Variants in SDCCAG8 observed in about 807,000 individuals in gnomAD.
The protein encoded by SDCCAG8 is serologically defined colon cancer antigen 8.
SDCCAG8 carries 74 observed loss-of-function variants against 101.8 expected under a neutral mutation model. The observed-to-expected ratio is 0.73, with a 90% CI of 0.60 to 0.88. The LOEUF is 0.88. Ranked by LOEUF, SDCCAG8 falls within the 40% of genes least tolerant of loss-of-function variation. The pLI is 0.00. For missense variants in SDCCAG8, 787 were observed against 822.6 expected (o/e 0.96, Z 0.53); for synonymous variants, 281 against 292.9 (o/e 0.96, Z 0.41).
chr1:243,330,499 C>T, intron 9 of SDCCAG8, 41 bp from the exon 10 acceptor site: 2 of 1,610,204 alleles, frequency 1.2e-6, no homozygotes, highest in Non-Finnish European at 1.7e-6. Context: ...ATATTTTTTC[C>T]AAATTCTAAC....
At chr1:243,425,146 T>C (rs1420932006) in intron 15 of SDCCAG8, among the ~76,000 whole-genome samples, 1 of 152,094 alleles carries the variant, frequency 6.6e-6, no homozygotes, top group Non-Finnish European at 1.5e-5. Flanking sequence ...GATCTGAACT[T>C]GAAAATGAGA....
intron 13 of SDCCAG8, among the ~76,000 whole-genome samples, chr1:243,384,255 G>A (rs1417565107): frequency 2.0e-5 from 3 of 152,130 alleles, no homozygotes; most frequent in Admixed American, 6.6e-5. Context: ...TGCAGAGTTG[G>A]AGCTCAGTAA....
intron 13 of SDCCAG8, among the ~76,000 whole-genome samples, chr1:243,391,469 A>G (rs1306905858): frequency 6.6e-6 from 1 of 152,238 alleles, no homozygotes; most frequent in Non-Finnish European, 1.5e-5. Context: ...GCAGCTTGCC[A>G]TCTAGCTGAG....
chr1:243,393,705 A>G (rs909348211), intron 13 of SDCCAG8, among the ~76,000 whole-genome samples: 19 of 152,186 alleles, frequency 1.2e-4, no homozygotes, highest in Non-Finnish European at 5.9e-5. Context: ...TGATCACTTT[A>G]TACATTTTAT....
At chr1:243,490,118 A>G (rs1388042074) in intron 17 of SDCCAG8, among the ~76,000 whole-genome samples, 1 of 152,260 alleles carries the variant, frequency 6.6e-6, no homozygotes, top group African/African-American at 2.4e-5. Flanking sequence ...ATGAAAACGA[A>G]GAGGAGTCTC....
chr1:243,346,140 A>G (rs150954476), intron 12 of SDCCAG8: 4 of 154,456 alleles, frequency 2.6e-5, no homozygotes, highest in Non-Finnish European at 5.9e-5. Flanking sequence ...TCAGAAAAGA[A>G]GTCGTGGTGT....
chr1:243,495,939 C>A (rs376465008), intron 17 of SDCCAG8, among the ~76,000 whole-genome samples: 1 of 152,108 alleles, frequency 6.6e-6, no homozygotes, highest in Non-Finnish European at 1.5e-5. Context: ...TGCCTGGATT[C>A]GAATCTCAGC....
At chr1:243,486,979 A>G (rs1483911616) in intron 16 of SDCCAG8, among the ~76,000 whole-genome samples, 1 of 152,230 alleles carries the variant, frequency 6.6e-6, no homozygotes, top group Admixed American at 6.5e-5. Context: ...GTAGGCCTTC[A>G]TCGGAGGGGA....
chr1:243,439,971 C>T (rs1484837117), intron 16 of SDCCAG8, among the ~76,000 whole-genome samples: 1 of 152,166 alleles, frequency 6.6e-6, no homozygotes, highest in Non-Finnish European at 1.5e-5. Flanking sequence ...CAGGTTGTAG[C>T]AAGACTAAAT....
chr1:243,489,289 G>GTCT, intron 17 of SDCCAG8, 149 bp downstream of exon 17: 1 of 1,111,292 alleles, frequency 9.0e-7, no homozygotes, highest in Non-Finnish European at 1.3e-6. Context: ...GCTGGGCACA[G>GTCT]TGCAGGACCC....
At chr1:243,257,660 T>C (rs2066876248) in intron 1 of SDCCAG8, among the ~76,000 whole-genome samples, 1 of 152,242 alleles carries the variant, frequency 6.6e-6, no homozygotes, top group Non-Finnish European at 1.5e-5. Flanking sequence ...CTATGTATTG[T>C]TACATCTGTC....
chr1:243,307,253 C>G (rs2072238658), intron 7 of SDCCAG8: 1 of 308,398 alleles, frequency 3.2e-6, no homozygotes, highest in South Asian at 1.3e-4. Context: ...CAAACAAAAA[C>G]TACACCCACA....
chr1:243,357,931 C>T (rs141598682), intron 12 of SDCCAG8, among the ~76,000 whole-genome samples: 125 of 152,140 alleles, frequency 8.2e-4, no homozygotes, highest in African/African-American at 3.0e-3. Flanking sequence ...ATAGTGTAGA[C>T]AAAAATTAAC....
intron 12 of SDCCAG8, among the ~76,000 whole-genome samples, chr1:243,364,546 G>C (rs2076889749): frequency 6.6e-6 from 1 of 152,124 alleles, no homozygotes; most frequent in African/African-American, 2.4e-5. Flanking sequence ...AGCCAGAGCC[G>C]GTGTGTTTGT....
At chr1:243,346,963 A>T (rs951393909) in intron 12 of SDCCAG8, among the ~76,000 whole-genome samples, 19 of 152,098 alleles carry the variant, frequency 1.2e-4, no homozygotes, top group African/African-American at 4.6e-4. Flanking sequence ...TACACTCATC[A>T]TTTTGCCCGT....
At chr1:243,461,150 G>A (rs1284707586) in intron 16 of SDCCAG8, among the ~76,000 whole-genome samples, 10 of 152,062 alleles carry the variant, frequency 6.6e-5, no homozygotes, top group East Asian at 1.9e-4. Context: ...CTTCCCTTCC[G>A]TAAAGCTGTA....
chr1:243,346,803 A>T (rs1448330892), intron 12 of SDCCAG8, among the ~76,000 whole-genome samples: 3 of 152,202 alleles, frequency 2.0e-5, no homozygotes, highest in African/African-American at 7.2e-5. Flanking sequence ...GGCATTTGGT[A>T]TGGAGGAGAA....
chr1:243,492,534 C>A (rs1432359898), intron 17 of SDCCAG8, among the ~76,000 whole-genome samples: 1 of 151,018 alleles, frequency 6.6e-6, no homozygotes, highest in Non-Finnish European at 1.5e-5. Flanking sequence ...GAACTCCTGA[C>A]CTCAAATGAT....
intron 4 of SDCCAG8, among the ~76,000 whole-genome samples, chr1:243,283,038 G>T (rs567602835): frequency 2.6e-5 from 4 of 151,924 alleles, no homozygotes; most frequent in Non-Finnish European, 5.9e-5. Context: ...GTAGAGACAG[G>T]GTTTCACCAT....
Sources: allele counts gnomAD v4.1 joint callset (sites outside exome capture counted in the v4.1 genomes callset), GRCh38; gene constraint gnomAD v4.1.1; transcripts MANE v1.5; gene names NCBI Gene and HGNC (gene_info 2026-07-23, HGNC 2026-07-21).